WDR11: variants seen among roughly 807,000 people sequenced by gnomAD.
WDR11 encodes WD repeat-containing protein 11.
Under a neutral mutation model 151.2 loss-of-function variants are expected in WDR11, and 83 were observed. That is an observed-to-expected ratio of 0.55 (90% CI 0.46 to 0.66). The LOEUF is 0.66. Among genes scored for constraint, WDR11 ranks in the 30% least tolerant of loss-of-function variants. The pLI is 0.00. For missense variants in WDR11, 1,301 were observed against 1,480.9 expected (o/e 0.88, Z 1.99); for synonymous variants, 484 against 533.1 (o/e 0.91, Z 1.27).
intron 19 of WDR11, among the ~76,000 whole-genome samples, chr10:120,894,423 C>T (rs1373757547): frequency 1.3e-5 from 2 of 152,118 alleles, no homozygotes; most frequent in African/African-American, 2.4e-5. Context: ...AATGACTTGC[C>T]GATGTGGGGA....
intron 13 of WDR11, among the ~76,000 whole-genome samples, chr10:120,882,419 T>C (rs1212727203): frequency 6.6e-6 from 1 of 150,800 alleles, no homozygotes; most frequent in Non-Finnish European, 1.5e-5. Context: ...TTCTCTCTCC[T>C]TTTTTTTTGA....
intron 19 of WDR11, among the ~76,000 whole-genome samples, chr10:120,892,923 T>C (rs940018335): frequency 3.3e-5 from 5 of 152,112 alleles, no homozygotes; most frequent in African/African-American, 1.2e-4. Flanking sequence ...AATAGCATTC[T>C]GGTATCATGC....
chr10:120,897,253 G>C (rs182323416), intron 19 of WDR11, among the ~76,000 whole-genome samples: 1 of 152,280 alleles, frequency 6.6e-6, no homozygotes, highest in East Asian at 1.9e-4. Flanking sequence ...AAGAATGCCA[G>C]CTGACAAATG....
chr10:120,882,779 C>T (rs1847063983), intron 13 of WDR11, among the ~76,000 whole-genome samples: 1 of 151,850 alleles, frequency 6.6e-6, no homozygotes, highest in African/African-American at 2.4e-5. Flanking sequence ...ACTTTTGATT[C>T]ATTTGATTCT....
chr10:120,895,872 T>C (rs1435502237), intron 19 of WDR11, among the ~76,000 whole-genome samples: 1 of 152,210 alleles, frequency 6.6e-6, no homozygotes. Flanking sequence ...CTCTCATCCA[T>C]TGCTAACAGT....
At position 120,889,122 on chromosome 10, in the gene WDR11, A is replaced by G; in HGVS notation, c.2166A>G (p.Thr722=). 1.2e-6 allele frequency: 2 copies of G among 1,614,084 alleles called. No individual in the cohort carries two copies. Among genetic ancestry groups the G allele is most frequent in the Non-Finnish European group, 1.7e-6 (2 of 1,179,982 alleles). Residue 722 remains threonine, a synonymous_variant, in exon 17 of 29, where the codon ACA becomes ACG. Transcript: ENST00000263461. ...CCTGCATCGCTTGGAAAGGTGATAC[A>G]TTAGTGCTTGGAGATATGGATGGAA... The part of the protein sequence containing the change: ...SITCIAWKGD[T]LVLGDMDGNL...
chr10:120,898,580 C>T (rs1590112210), intron 19 of WDR11, among the ~76,000 whole-genome samples: 1 of 152,172 alleles, frequency 6.6e-6, no homozygotes, highest in Non-Finnish European at 1.5e-5. Context: ...GTAATCTCCA[C>T]AGGTCAGGGG....
At position 120,905,991 on chromosome 10, in the gene WDR11, GC is replaced by G; in HGVS notation, c.3408del (p.Phe1138LeufsTer10). ...CTCCTGGTTCTCCTCTCTCTGGGCT[GC>G]TTTTTTAGCGTGGCAGAGACGCTTC... is the stretch of plus-strand genomic sequence containing the variant. ...KALLVLLSLG[C>X]FFSVAETLHS... On this transcript the variant is annotated frameshift_variant, in exon 27 of 29. Coordinates refer to ENST00000263461, the MANE Select transcript of WDR11 (RefSeq NM_018117.12). LOFTEE classifies it high-confidence loss of function. The G allele has an allele frequency of 6.2e-7, 1 of 1,614,022 alleles. No individual in the cohort carries two copies. The highest frequency in any genetic ancestry group is 8.5e-7 in the Non-Finnish European group (1 of 1,180,032).
chr10:120,871,475 A>G (rs578115653), intron 10 of WDR11, 129 bp downstream of exon 10: 2 of 954,524 alleles, frequency 2.1e-6, no homozygotes, highest in Non-Finnish European at 3.1e-6. Context: ...GTGAAACTGT[A>G]AATACTCATC....
intron 6 of WDR11, 112 bp from the exon 7 acceptor site, chr10:120,865,518 T>A: frequency 1.3e-6 from 1 of 760,698 alleles, no homozygotes; most frequent in East Asian, 2.7e-5. Flanking sequence ...GTTTGGGATT[T>A]GTCTATTTTT....
Position 120,871,296 on chromosome 10 carries a change from C to T in WDR11, c.1421C>T (p.Pro474Leu), listed in dbSNP as rs1310703542. 6.2e-7 allele frequency: 1 copy of T among 1,613,964 alleles called. No homozygotes were observed. The highest frequency in any genetic ancestry group is 2.2e-5 in the East Asian group (1 of 44,872). Reference protein sequence around the residue: ...PAPQFAIRMCPPLTTKNIKMY... With the variant: ...PAPQFAIRMCLPLTTKNIKMY... ...CCACAGTTTGCTATTCGTATGTGTC[C>T]ACCGTTGACCACAAAAAACATCAAG... The change falls in exon 10 of 29, where the codon CCA becomes CTA. Residue 474 changes from proline to leucine, a missense_variant. Coordinates refer to ENST00000263461, the MANE Select transcript of WDR11 (RefSeq NM_018117.12).
chr10:120,890,630 C>T, intron 18 of WDR11, 86 bp from the exon 19 acceptor site: 2 of 1,545,758 alleles, frequency 1.3e-6, no homozygotes, highest in Non-Finnish European at 1.8e-6. Context: ...GCCTTTGCCA[C>T]AGACTGTCTT....
chr10:120,883,256 T>A (rs1227227339), intron 13 of WDR11, among the ~76,000 whole-genome samples: 1 of 152,164 alleles, frequency 6.6e-6, no homozygotes, highest in African/African-American at 2.4e-5. Context: ...TTTTAGTTCC[T>A]CATAATGCTT....
chr10:120,907,438 A>C (rs1302382878), intron 28 of WDR11: 2 of 158,582 alleles, frequency 1.3e-5, no homozygotes, highest in Admixed American at 1.2e-4. Flanking sequence ...GAACTTGAGA[A>C]TGCAACTCCC....
intron 5 of WDR11, 109 bp from the exon 6 acceptor site, chr10:120,864,938 G>A (rs1846261474): frequency 7.5e-7 from 1 of 1,329,680 alleles, no homozygotes; most frequent in Non-Finnish European, 1.1e-6. Flanking sequence ...TCAGGGAATA[G>A]TTGTACATTT....
chr10:120,883,101 C>T (rs1847081646), intron 13 of WDR11, among the ~76,000 whole-genome samples: 1 of 151,884 alleles, frequency 6.6e-6, no homozygotes, highest in South Asian at 2.1e-4. Context: ...GGTGTTTTGC[C>T]AGGTATCTTT....
In WDR11 at chr10:120,905,730, G is replaced by A. The variant is rs1848012950; in HGVS notation, c.3292-146G>A. 2.1e-6 allele frequency: 3 copies of A among 1,397,700 alleles called. No homozygotes were observed. In the Admixed American group the frequency reaches 5.6e-5, roughly 26 times the overall value. 86.6% of individuals were successfully genotyped at this position (1,397,700 alleles called of 1,614,324 possible). A position where few individuals can be genotyped will look rare whatever the true frequency, so the allele number is the denominator to read the frequency against. On this transcript the variant is annotated intron_variant, in intron 26 of 28. Transcript: ENST00000263461. Reference sequence around the variant, plus strand: ...AGGCACAGACCGTTATCATTATTCAGAGTATGCAGCAGCTTCAGGGCAGTG... The same window carrying A: ...AGGCACAGACCGTTATCATTATTCAAAGTATGCAGCAGCTTCAGGGCAGTG...
intron 23 of WDR11, 22 bp from the exon 24 acceptor site, chr10:120,904,025 T>G (rs1847938489): frequency 6.6e-7 from 1 of 1,510,012 alleles, no homozygotes; most frequent in African/African-American, 1.4e-5. Flanking sequence ...AGGCTTAATT[T>G]TTCTTTTTTT....
intron 28 of WDR11, 108 bp from the exon 29 acceptor site, chr10:120,908,448 T>C (rs1295278534): frequency 1.2e-5 from 14 of 1,213,124 alleles, no homozygotes; most frequent in Non-Finnish European, 1.7e-5. Context: ...CCAGGTCCCT[T>C]CCGAGCAGCC....
Sources: gnomAD v4.1 joint callset for allele counts (sites outside exome capture counted in the v4.1 genomes callset) on GRCh38, gnomAD v4.1.1 for gene constraint, MANE v1.5 for transcripts, NCBI Gene and HGNC (gene_info 2026-07-23, HGNC 2026-07-21) for gene names.